HLCS: variants seen among roughly 807,000 people sequenced by gnomAD.
HLCS encodes holocarboxylase synthetase.
In HLCS, 53 loss-of-function variants were observed where a neutral mutation model predicts 75.0. The ratio of observed to expected loss-of-function variants is 0.71; its 90% CI spans 0.57 to 0.89. HLCS has a LOEUF of 0.89. Ranked by LOEUF, HLCS falls within the 40% of genes least tolerant of loss-of-function variation. The probability of loss-of-function intolerance (pLI) is 0.00; values close to 1 mark genes in which losing one functional copy is unlikely to be tolerated. For synonymous variants in HLCS, 431 were observed against 428.6 expected, an observed-to-expected ratio of 1.01 and a Z score of -0.07; for missense variants, 966 against 1,074.0, an observed-to-expected ratio of 0.90 and a Z score of 1.41.
chr21:36,902,741 ATCT>A (rs1055682350), intron 5 of HLCS, among the ~76,000 whole-genome samples: 2 of 152,224 alleles, frequency 1.3e-5, no homozygotes, highest in African/African-American at 4.8e-5. Context: ...AGTGGGGAGA[ATCT>A]TCTGAGCAGC....
intron 6 of HLCS, among the ~76,000 whole-genome samples, chr21:36,772,851 C>T (rs1165154529): frequency 2.0e-5 from 3 of 151,532 alleles, no homozygotes; most frequent in African/African-American, 2.4e-5. Context: ...CATGGTGGCG[C>T]GCACCTGTAG....
chr21:36,935,920 A>C (rs190082228), intron 4 of HLCS, among the ~76,000 whole-genome samples: 370 of 152,114 alleles, frequency 2.4e-3, no homozygotes, highest in Non-Finnish European at 3.8e-3. Flanking sequence ...TCTTTTCAGC[A>C]CTTGGAAGAG....
intron 2 of HLCS, among the ~76,000 whole-genome samples, chr21:36,958,743 C>T (rs940864391): frequency 3.3e-5 from 5 of 149,658 alleles, no homozygotes; most frequent in East Asian, 1.9e-4. Context: ...GAGCTGAGAT[C>T]GCACCACTGC....
intron 6 of HLCS, among the ~76,000 whole-genome samples, chr21:36,784,152 T>G (rs548511270): frequency 6.6e-6 from 1 of 152,222 alleles, no homozygotes; most frequent in African/African-American, 2.4e-5. Flanking sequence ...AGTAGTCTCA[T>G]TTTACTGCTG....
At chr21:36,811,617 T>C (rs2061513124) in intron 6 of HLCS, among the ~76,000 whole-genome samples, 1 of 152,240 alleles carries the variant, frequency 6.6e-6, no homozygotes, top group Non-Finnish European at 1.5e-5. Flanking sequence ...ACAGTTTGCT[T>C]GTTACAGAAC....
chr21:36,867,211 G>T (rs969805521), intron 6 of HLCS, among the ~76,000 whole-genome samples: 27 of 152,178 alleles, frequency 1.8e-4, no homozygotes, highest in Admixed American at 2.6e-4. Context: ...TGCAACATTG[G>T]TTCTCAGAGA....
intron 6 of HLCS, among the ~76,000 whole-genome samples, chr21:36,873,604 T>C (rs138294402): frequency 7.7e-4 from 118 of 152,340 alleles, no homozygotes; most frequent in African/African-American, 2.5e-3. Context: ...TCCTCATCAG[T>C]ACCTCTTGAT....
At chr21:36,857,399 C>T (rs1346287120) in intron 6 of HLCS, among the ~76,000 whole-genome samples, 1 of 152,196 alleles carries the variant, frequency 6.6e-6, no homozygotes, top group Non-Finnish European at 1.5e-5. Context: ...ATACAGAGAA[C>T]CTCCGTCTCC....
intron 9 of HLCS, among the ~76,000 whole-genome samples, chr21:36,758,556 C>A (rs891165283): frequency 2.0e-5 from 3 of 152,148 alleles, no homozygotes; most frequent in African/African-American, 7.2e-5. Flanking sequence ...GGATTATGAG[C>A]TCAAGCCACT....
intron 1 of HLCS, among the ~76,000 whole-genome samples, chr21:36,980,071 C>G (rs1484566512): frequency 7.3e-6 from 1 of 136,782 alleles, no homozygotes; most frequent in African/African-American, 2.8e-5. Flanking sequence ...GTGTGGTGGT[C>G]CCAGATACTC....
chr21:36,988,980 C>T (rs73198004), intron 1 of HLCS, among the ~76,000 whole-genome samples: 39,201 of 151,292 alleles, frequency 0.26, 5,202 homozygotes, highest in South Asian at 0.35. Context: ...TGTCTTTAAT[C>T]AATGGTAGGG....
rs201794758 is a variant in HLCS, at chr21:36,900,131, C to CA, written c.1621-3001dup. ...AAAAAAAACAAAAAACAAAAAACAA[C>CA]AAAAAAAACAAAGTTAAAAAACAGT... On this transcript the variant is annotated intron_variant, in intron 5 of 10. Transcript: ENST00000674895. 5.9e-3 allele frequency among the ~76,000 whole-genome samples: 890 copies of CA among 151,076 alleles called. 8 individuals are homozygous for CA. The highest frequency in any genetic ancestry group is 0.028 in the South Asian group (134 of 4,764).
intron 6 of HLCS, among the ~76,000 whole-genome samples, chr21:36,834,807 G>A (rs949549798): frequency 6.6e-6 from 1 of 152,174 alleles, no homozygotes; most frequent in African/African-American, 2.4e-5. Context: ...GCCTGCCTCG[G>A]CCTCCCATAG....
chr21:36,895,607 C>T (rs941935859), intron 6 of HLCS, among the ~76,000 whole-genome samples: 2 of 152,184 alleles, frequency 1.3e-5, no homozygotes, highest in African/African-American at 4.8e-5. Context: ...CACATACTAA[C>T]ACTGTCATTC....
At chr21:36,787,389 T>A in intron 6 of HLCS, among the ~76,000 whole-genome samples, 2 of 152,354 alleles carry the variant, frequency 1.3e-5, no homozygotes, top group Admixed American at 1.3e-4. Context: ...GAAGACCCCA[T>A]GGAGGCACTT....
intron 2 of HLCS, among the ~76,000 whole-genome samples, chr21:36,948,728 CAAAAAAAAAAAAA>C (rs58685577): frequency 3.6e-5 from 2 of 55,878 alleles, no homozygotes; most frequent in Non-Finnish European, 6.0e-5. Context: ...GACCCTGTCT[CAAAAAAAAAAAAA>C]AAAAAAAAAA....
chr21:36,799,334 A>G (rs2061126483), intron 6 of HLCS, among the ~76,000 whole-genome samples: 1 of 152,186 alleles, frequency 6.6e-6, no homozygotes. Flanking sequence ...CACACAGGTG[A>G]GTCTACTTCT....
rs2065042287 is a variant in HLCS at position 36,897,063 on chromosome 21, G to T, written c.1689C>A (p.Gly563=). Reference sequence around the variant, plus strand: ...ATGAAACAAATCTAAGAGAGAGCTGGCCGGATTTTATTTCTCCCTCGGAGT... The same window carrying T: ...ATGAAACAAATCTAAGAGAGAGCTGTCCGGATTTTATTTCTCCCTCGGAGT... The part of the protein sequence containing the change: ...HVDSEGEIKS[G]QLSLRFVSSY... The change falls in exon 6 of 11, where the codon GGC becomes GGA. Residue 563 remains glycine, a synonymous_variant. Transcript: ENST00000674895. The T allele has an allele frequency of 6.2e-7, 1 of 1,613,970 alleles. No homozygotes were observed.
chr21:36,757,063 G>A lies in HLCS; in HGVS notation c.2237-308C>T, dbSNP rs139844697. 25 of 513,004 alleles carry A rather than the reference G, an allele frequency of 4.9e-5. No homozygotes were observed. In the Admixed American group the frequency reaches 5.7e-4, roughly 12 times the overall value. 31.8% of individuals were successfully genotyped at this position (513,004 alleles called of 1,614,324 possible). A position where few individuals can be genotyped will look rare whatever the true frequency, so the allele number is the denominator to read the frequency against. ...GAAGCTATTAAATATGGGACAAAACGTATCAGTGTTGCCTCTGAAATAAGT... is the reference window on the plus strand; with the variant it reads ...GAAGCTATTAAATATGGGACAAAACATATCAGTGTTGCCTCTGAAATAAGT... On this transcript the variant is annotated intron_variant, in intron 9 of 10. Transcript: ENST00000674895.
Sources: allele counts gnomAD v4.1 joint callset (sites outside exome capture counted in the v4.1 genomes callset), GRCh38; gene constraint gnomAD v4.1.1; transcripts MANE v1.5; gene names NCBI Gene and HGNC (gene_info 2026-07-23, HGNC 2026-07-21).